ESRRG: variants seen among roughly 807,000 people sequenced by gnomAD.
The protein encoded by ESRRG is estrogen related receptor gamma.
In ESRRG, 13 loss-of-function variants were observed where a neutral mutation model predicts 44.0. The ratio of observed to expected loss-of-function variants is 0.30; its 90% CI spans 0.19 to 0.47. ESRRG has a LOEUF of 0.47. Among genes scored for constraint, ESRRG ranks in the 20% least tolerant of loss-of-function variants. The pLI, the probability that ESRRG is intolerant of heterozygous loss-of-function variation, is 1.00. For missense variants in ESRRG, 395 were observed against 580.6 expected (o/e 0.68, Z 3.29); for synonymous variants, 215 against 214.6 (o/e 1.00, Z -0.02).
intron 1 of ESRRG, among the ~76,000 whole-genome samples, chr1:217,120,075 T>C (rs1279584717): frequency 6.6e-6 from 1 of 152,170 alleles, no homozygotes; most frequent in East Asian, 1.9e-4. Flanking sequence ...TCACAAAGTA[T>C]ATGAAGTAAT....
chr1:216,749,033 A>G (rs1170079341), intron 2 of ESRRG, among the ~76,000 whole-genome samples: 3 of 152,102 alleles, frequency 2.0e-5, no homozygotes, highest in African/African-American at 4.8e-5. Context: ...TCATGGCTCC[A>G]TGCTCTTTAT....
At chr1:216,641,861 A>C (rs1266546283) in intron 3 of ESRRG, among the ~76,000 whole-genome samples, 1 of 152,194 alleles carries the variant, frequency 6.6e-6, no homozygotes, top group Non-Finnish European at 1.5e-5. Context: ...TGATACTTGA[A>C]CTTGTTCCCT....
chr1:216,783,922 C>CA (rs1314099330), intron 2 of ESRRG, among the ~76,000 whole-genome samples: 5 of 152,054 alleles, frequency 3.3e-5, no homozygotes, highest in African/African-American at 1.2e-4. Flanking sequence ...GTTGTGGTTT[C>CA]AAAATCATAT....
intron 1 of ESRRG, among the ~76,000 whole-genome samples, chr1:217,116,090 GT>G (rs1251088465): frequency 1.3e-5 from 2 of 152,264 alleles, no homozygotes; most frequent in African/African-American, 4.8e-5. Context: ...ATTAGTGTGT[GT>G]TTTTTCCCAA....
intron 1 of ESRRG, among the ~76,000 whole-genome samples, chr1:217,010,220 C>T (rs557265362): frequency 6.6e-6 from 1 of 152,100 alleles, no homozygotes; most frequent in Non-Finnish European, 1.5e-5. Flanking sequence ...AATAAACATA[C>T]CCTCTTGCAT....
chr1:216,946,947 G>A (rs557976418), intron 1 of ESRRG, among the ~76,000 whole-genome samples: 17 of 152,052 alleles, frequency 1.1e-4, no homozygotes, highest in Admixed American at 3.3e-4. Context: ...TGATCTGCCC[G>A]CCTCGGCCTC....
chr1:216,721,813 G>C (rs1414475775), intron 1 of ESRRG, among the ~76,000 whole-genome samples: 2 of 152,186 alleles, frequency 1.3e-5, no homozygotes, highest in East Asian at 1.9e-4. Flanking sequence ...AACTACACTT[G>C]AGCGGGCAGT....
chr1:217,120,264 A>ATTTTG (rs938405252), intron 1 of ESRRG, among the ~76,000 whole-genome samples: 4 of 145,032 alleles, frequency 2.8e-5, no homozygotes, highest in African/African-American at 1.1e-4. Flanking sequence ...TCCTAGAAAT[A>ATTTTG]TTTTATTTTA....
chr1:216,605,974 T>C (rs1379729324), intron 3 of ESRRG, among the ~76,000 whole-genome samples: 4 of 152,152 alleles, frequency 2.6e-5, no homozygotes, highest in African/African-American at 9.7e-5. Context: ...CTGCCCCTGC[T>C]CGCCTTCTCT....
chr1:216,844,140 T>A (rs1050046480), intron 2 of ESRRG, among the ~76,000 whole-genome samples: 2 of 151,996 alleles, frequency 1.3e-5, no homozygotes, highest in Non-Finnish European at 2.9e-5. Flanking sequence ...TCCAGCCATA[T>A]GAACCTCATT....
intron 3 of ESRRG, among the ~76,000 whole-genome samples, chr1:216,604,985 G>A (rs146714002): frequency 6.6e-6 from 1 of 152,290 alleles, no homozygotes; most frequent in Non-Finnish European, 1.5e-5. Flanking sequence ...TGGACAGGTG[G>A]ATGGAAGGAG....
intron 2 of ESRRG, among the ~76,000 whole-genome samples, chr1:216,835,508 T>C (rs2095550755): frequency 6.6e-6 from 1 of 152,186 alleles, no homozygotes; most frequent in Non-Finnish European, 1.5e-5. Context: ...AGGTTCTCAG[T>C]CTCATCTACT....
At chr1:216,794,934 C>T (rs1018209267) in intron 2 of ESRRG, among the ~76,000 whole-genome samples, 13 of 152,262 alleles carry the variant, frequency 8.5e-5, no homozygotes, top group Admixed American at 5.2e-4. Context: ...TTCTTGTCTC[C>T]ACCCTAAACT....
At chr1:216,930,511 T>C (rs1324216623) in intron 2 of ESRRG, among the ~76,000 whole-genome samples, 1 of 152,228 alleles carries the variant, frequency 6.6e-6, no homozygotes, top group African/African-American at 2.4e-5. Context: ...CCCATGGGTC[T>C]GTTTCTAGAG....
At chr1:216,772,863 T>A (rs2093436906) in intron 2 of ESRRG, among the ~76,000 whole-genome samples, 1 of 151,090 alleles carries the variant, frequency 6.6e-6, no homozygotes, top group South Asian at 2.1e-4. Flanking sequence ...TTTTTTTTTT[T>A]AATAAGCTGA....
intron 5 of ESRRG, among the ~76,000 whole-genome samples, chr1:216,527,873 G>A (rs1033023265): frequency 6.6e-6 from 1 of 152,118 alleles, no homozygotes; most frequent in Non-Finnish European, 1.5e-5. Context: ...TAAGGGAGTG[G>A]ATGTGAAGAT....
intron 1 of ESRRG, among the ~76,000 whole-genome samples, chr1:217,073,197 CAAAAAAAAAAAAAAAAAA>C (rs34950214): frequency 7.9e-5 from 6 of 75,984 alleles, no homozygotes; most frequent in Admixed American, 5.8e-4. Flanking sequence ...CCTTTCTGGA[CAAAAAAAAAAAAAAAAAA>C]AAAAAAAAAA....
At chr1:216,742,030 A>C (rs1425180556) in intron 2 of ESRRG, among the ~76,000 whole-genome samples, 1 of 152,102 alleles carries the variant, frequency 6.6e-6, no homozygotes, top group Non-Finnish European at 1.5e-5. Context: ...TACAGAACAA[A>C]ATCAAGATTC....
upstream of ESRRG, chr1:217,090,564 G>A (rs967300998): frequency 1.3e-5 from 2 of 152,076 alleles, no homozygotes; most frequent in African/African-American, 4.8e-5. Flanking sequence ...CTCACAACTG[G>A]AGCTATTTTT....
Sources: allele counts gnomAD v4.1 joint callset (sites outside exome capture counted in the v4.1 genomes callset), GRCh38; gene constraint gnomAD v4.1.1; transcripts MANE v1.5; gene names NCBI Gene and HGNC (gene_info 2026-07-23, HGNC 2026-07-21).